SCAF4: variants seen among roughly 807,000 people sequenced by gnomAD.
SCAF4 encodes SR-related CTD associated factor 4.
A neutral mutation model predicts 129.8 loss-of-function variants in SCAF4; 25 were observed. The observed-to-expected ratio is 0.19, with a 90% CI of 0.14 to 0.27. SCAF4 has a LOEUF of 0.27. SCAF4 is among the 10% of genes least tolerant of loss of function. The pLI, the probability that SCAF4 is intolerant of heterozygous loss-of-function variation, is 1.00. For missense variants in SCAF4, 1,246 were observed against 1,457.1 expected (o/e 0.86, Z 2.36); for synonymous variants, 551 against 497.7 (o/e 1.11, Z -1.43).
chr21:31,688,105 ACT>A (rs1317543316), intron 16 of SCAF4, among the ~76,000 whole-genome samples, 200 bp downstream of exon 16: 2 of 106,286 alleles, frequency 1.9e-5, no homozygotes, highest in East Asian at 2.7e-4. Flanking sequence ...ACAAAGAGAG[ACT>A]CTGTCTCAAA....
chr21:31,722,626 C>T (rs981515601), intron 1 of SCAF4, among the ~76,000 whole-genome samples: 1 of 152,068 alleles, frequency 6.6e-6, no homozygotes, highest in African/African-American at 2.4e-5. Context: ...AGGTGATAAC[C>T]ATTTCAGTAA....
intron 1 of SCAF4, among the ~76,000 whole-genome samples, chr21:31,718,478 T>C (rs942613215): frequency 6.6e-6 from 1 of 152,158 alleles, no homozygotes; most frequent in Non-Finnish European, 1.5e-5. Context: ...TTCTTTTTGG[T>C]ACAGATGGGA....
intron 1 of SCAF4, among the ~76,000 whole-genome samples, chr21:31,716,446 C>A (rs771303300): frequency 1.3e-5 from 2 of 152,072 alleles, no homozygotes; most frequent in Non-Finnish European, 2.9e-5. Flanking sequence ...AATATCAAAG[C>A]ATTTAGTTCT....
chr21:31,726,085 G>A (rs1233404317), intron 1 of SCAF4, among the ~76,000 whole-genome samples: 7 of 148,568 alleles, frequency 4.7e-5, no homozygotes, highest in Admixed American at 1.3e-4. Flanking sequence ...TCGCTCTGTC[G>A]CCCAGGCTGG....
chr21:31,686,090 C>T (rs1049427488), intron 16 of SCAF4, among the ~76,000 whole-genome samples: 1 of 151,656 alleles, frequency 6.6e-6, no homozygotes, highest in Non-Finnish European at 1.5e-5. Flanking sequence ...GTAATCCCAG[C>T]TACTCCGGAG....
intron 19 of SCAF4, among the ~76,000 whole-genome samples, chr21:31,674,820 G>T (rs1239200456): frequency 6.6e-6 from 1 of 151,770 alleles, no homozygotes; most frequent in East Asian, 1.9e-4. Flanking sequence ...TTCATATTAT[G>T]TATTAAATAT....
chr21:31,693,802 C>T (rs1355940209), intron 11 of SCAF4, among the ~76,000 whole-genome samples: 1 of 152,108 alleles, frequency 6.6e-6, no homozygotes, highest in African/African-American at 2.4e-5. Flanking sequence ...ACTACTGTTA[C>T]CTATCTTCTT....
chr21:31,696,981 T>C (rs2050403401), intron 7 of SCAF4, among the ~76,000 whole-genome samples: 1 of 152,172 alleles, frequency 6.6e-6, no homozygotes, highest in African/African-American at 2.4e-5. Context: ...TCCTCAATTG[T>C]AAGTACAGTG....
chr21:31,682,360 AGAGT>A (rs902436376), intron 19 of SCAF4, among the ~76,000 whole-genome samples: 4 of 151,224 alleles, frequency 2.6e-5, no homozygotes, highest in Admixed American at 1.3e-4. Context: ...ACCTGGCGAC[AGAGT>A]GAGACACATC....
At chr21:31,683,890 C>T (rs962287906) in intron 19 of SCAF4, 1 of 152,830 alleles carries the variant, frequency 6.5e-6, no homozygotes, top group African/African-American at 2.4e-5. Context: ...AATTTTAATC[C>T]CAAATCCTCT....
intron 14 of SCAF4, among the ~76,000 whole-genome samples, chr21:31,691,275 G>A (rs1267243571): frequency 6.6e-6 from 1 of 152,164 alleles, no homozygotes; most frequent in Non-Finnish European, 1.5e-5. Context: ...GTAGTATACT[G>A]GGGACTACTT....
intron 1 of SCAF4, among the ~76,000 whole-genome samples, chr21:31,728,710 T>G (rs1001298808): frequency 2.0e-5 from 3 of 152,118 alleles, no homozygotes; most frequent in Non-Finnish European, 4.4e-5. Context: ...TTTCTCCCCC[T>G]TTCAATTTTC....
Position 31,688,399 on chromosome 21 carries a change from G to T in SCAF4, c.1951C>A (p.His651Asn), listed in dbSNP as rs2050181413. ...VAQNGGAETSHTEPVSPIPKP... is the reference protein window; with the variant it reads ...VAQNGGAETSNTEPVSPIPKP... Reference sequence around the variant, plus strand: ...GGTATGGGTGATACTGGTTCTGTGTGTGAGGTTTCAGCACCTCCATTTTGA... The same window carrying T: ...GGTATGGGTGATACTGGTTCTGTGTTTGAGGTTTCAGCACCTCCATTTTGA... Residue 651 changes from histidine to asparagine, a missense_variant, in exon 16 of 20, where the codon CAC (histidine) becomes AAC (asparagine). Transcript: ENST00000286835. 1 of 1,613,958 alleles carries T rather than the reference G, an allele frequency of 6.2e-7. No homozygotes were observed. Among genetic ancestry groups the T allele is most frequent in the Non-Finnish European group, 8.5e-7 (1 of 1,179,902 alleles).
intron 7 of SCAF4, among the ~76,000 whole-genome samples, chr21:31,700,357 C>T (rs746765338): frequency 3.9e-5 from 6 of 151,994 alleles, no homozygotes; most frequent in South Asian, 2.1e-4. Flanking sequence ...CCTCCGTTCT[C>T]GACCTCCCAA....
At chr21:31,731,409 G>T (rs901102827) in intron 1 of SCAF4, among the ~76,000 whole-genome samples, 2 of 152,212 alleles carry the variant, frequency 1.3e-5, no homozygotes, top group Non-Finnish European at 2.9e-5. Flanking sequence ...ATGGGAGGCC[G>T]CAAGGGGGCG....
At chr21:31,696,487 G>A (rs1033149975) in intron 8 of SCAF4, 82 bp downstream of exon 8, 16 of 1,259,350 alleles carry the variant, frequency 1.3e-5, no homozygotes, top group Admixed American at 5.3e-5. Context: ...GAACATTGTT[G>A]TCATTGCTAA....
intron 1 of SCAF4, among the ~76,000 whole-genome samples, chr21:31,713,275 A>G (rs2050848806): frequency 6.6e-6 from 1 of 152,214 alleles, no homozygotes; most frequent in African/African-American, 2.4e-5. Context: ...GAATAACGGT[A>G]AGTGCACAGG....
rs770672348 is a variant in SCAF4 at position 31,696,667 on chromosome 21, C to T, written c.861G>A (p.Thr287=). Residue 287 remains threonine, a synonymous_variant, in exon 8 of 20, where the codon ACG becomes ACA. Coordinates refer to ENST00000286835, the MANE Select transcript of SCAF4 (RefSeq NM_020706.2). ...GGGGTACTGCGGCAGCAGGTGCTGT[C>T]GTGGTGACGGCAGTGGTATCCTCTT... ...SKKEDTTAVT[T]TAPAAAVPPA... is the part of the protein sequence containing the mutation. The T allele has an allele frequency of 5.3e-5, 85 of 1,614,018 alleles. No homozygotes were observed. Among genetic ancestry groups the T allele is most frequent in the Admixed American group, 8.3e-5 (5 of 60,012 alleles).
chr21:31,693,259 T>A, intron 12 of SCAF4, 35 bp downstream of exon 12: 2 of 1,348,724 alleles, frequency 1.5e-6, no homozygotes. Context: ...CATGAAAAAA[T>A]AGTACATGAG....
Sources: allele counts gnomAD v4.1 joint callset (sites outside exome capture counted in the v4.1 genomes callset), GRCh38; gene constraint gnomAD v4.1.1; transcripts MANE v1.5; gene names NCBI Gene and HGNC (gene_info 2026-07-23, HGNC 2026-07-21).